The following G6PC1 variants were observed in gnomAD, a reference collection of about 807,000 sequenced individuals.
G6PC1 encodes G-6-Pase.
G6PC1 carries 23 observed loss-of-function variants against 30.4 expected under a neutral mutation model. The observed-to-expected ratio is 0.76, with a 90% CI of 0.55 to 1.07. The LOEUF (loss-of-function observed/expected upper bound fraction) is 1.07, where lower values mean the gene tolerates loss of function less well. G6PC1 is among the 50% of genes least tolerant of loss of function. The pLI is 0.00. For missense variants in G6PC1, 391 were observed against 433.9 expected (o/e 0.90, Z 0.88); for synonymous variants, 163 against 175.6 (o/e 0.93, Z 0.57).
intron 1 of G6PC1, 126 bp from the exon 2 acceptor site, chr17:42,903,805 C>A (rs2056041794): frequency 2.7e-6 from 2 of 729,946 alleles, no homozygotes; most frequent in Non-Finnish European, 5.0e-6. Flanking sequence ...TCTCCCCAGC[C>A]ACCCAGTTCT....
rs1482292287 is a variant in G6PC1 at position 42,909,328 on chromosome 17, G to C, written c.472G>C (p.Gly158Arg). 6.2e-7 allele frequency: 1 copy of C among 1,613,908 alleles called. No individual in the cohort carries two copies. The highest frequency in any genetic ancestry group is 8.5e-7 in the Non-Finnish European group (1 of 1,179,962). The change falls in exon 4 of 5, where the codon GGA becomes CGA. Residue 158 changes from glycine (G) to arginine (R), a missense_variant. Physicochemically the swap from Gly to Arg is moderately radical, Grantham distance 125 (BLOSUM62 -2). Transcript: ENST00000253801. The stretch of plus-strand genomic sequence containing the variant: ...GTGCTTGAATGTCATTTTGTGGTTG[G>C]GATTCTGGGCTGTGCAGCTGAATGT... Reference protein sequence around the residue: ...FRCLNVILWLGFWAVQLNVCL... With the variant: ...FRCLNVILWLRFWAVQLNVCL...
chr17:42,900,968 T>A lies in G6PC1; in HGVS notation c.92T>A (p.Ile31Asn), dbSNP rs538960604. Residue 31 changes from isoleucine (I) to asparagine (N), a missense_variant, in exon 1 of 5, where the codon ATC (isoleucine) becomes AAC (asparagine). Coordinates refer to ENST00000253801, the MANE Select transcript of G6PC1 (RefSeq NM_000151.4). ...TACCAAGACTCCCAGGACTGGTTCATCTTGGTGTCCGTGATCGCAGACCTC... is the reference window on the plus strand; with the variant it reads ...TACCAAGACTCCCAGGACTGGTTCAACTTGGTGTCCGTGATCGCAGACCTC... ...VNYQDSQDWF[I>N]LVSVIADLRN... 6.2e-7 allele frequency: 1 copy of A among 1,614,202 alleles called. No individual in the cohort carries two copies. The highest frequency in any genetic ancestry group is 1.7e-5 in the Admixed American group (1 of 60,020).
At position 42,900,951 on chromosome 17, in the gene G6PC1, C is replaced by G. The variant is rs369488416; in HGVS notation, c.75C>G (p.Asp25Glu). 3 of 1,614,126 alleles carry G rather than the reference C, an allele frequency of 1.9e-6. No individual in the cohort carries two copies. Among genetic ancestry groups the G allele is most frequent in the Non-Finnish European group, 1.7e-6 (2 of 1,179,998 alleles). ...ATTACCTCCAGGTGAATTACCAAGA[C>G]TCCCAGGACTGGTTCATCTTGGTGT... ...STHYLQVNYQ[D>E]SQDWFILVSV... The change falls in exon 1 of 5, where the codon GAC becomes GAG. Residue 25 changes from aspartate (D) to glutamate (E), a missense_variant. Transcript: ENST00000253801.
intron 1 of G6PC1, among the ~76,000 whole-genome samples, chr17:42,903,037 T>TA (rs955176476): frequency 2.8e-4 from 40 of 142,528 alleles, no homozygotes; most frequent in South Asian, 1.1e-3. Flanking sequence ...TTCTTGAGGT[T>TA]AAAAAAAAAA....
chr17:42,907,653 G>A, intron 3 of G6PC1, 25 bp downstream of exon 3: 1 of 1,488,394 alleles, frequency 6.7e-7, no homozygotes, highest in South Asian at 1.1e-5. Context: ...CTGGGGTGTA[G>A]GTGGTGGAGG....
At chr17:42,903,319 T>G (rs997166134) in intron 1 of G6PC1, among the ~76,000 whole-genome samples, 6 of 151,570 alleles carry the variant, frequency 4.0e-5, no homozygotes, top group Admixed American at 6.6e-5. Flanking sequence ...CCTGACCTCA[T>G]GTGATCTGCC....
At chr17:42,902,071 C>T (rs1195128147) in intron 1 of G6PC1, among the ~76,000 whole-genome samples, 1 of 152,128 alleles carries the variant, frequency 6.6e-6, no homozygotes, top group Admixed American at 6.6e-5. Flanking sequence ...TAGTACATGC[C>T]GAGCCAGGAT....
At chr17:42,903,840 T>A (rs1364795034) in intron 1 of G6PC1, 91 bp from the exon 2 acceptor site, 1 of 873,692 alleles carries the variant, frequency 1.1e-6, no homozygotes, top group African/African-American at 1.6e-5. Context: ...ACATGTGAAA[T>A]CCTTCTCAGG....
Position 42,911,099 on chromosome 17 carries a change from A to G in G6PC1, c.747A>G (p.Glu249=). The G allele has an allele frequency of 6.2e-7, 1 of 1,614,134 alleles. No homozygotes were observed. Among genetic ancestry groups the G allele is most frequent in the Non-Finnish European group, 8.5e-7 (1 of 1,180,018 alleles). The change falls in exon 5 of 5, where the codon GAA becomes GAG. Residue 249 remains glutamate (E), a synonymous_variant. Coordinates refer to ENST00000253801, the MANE Select transcript of G6PC1 (RefSeq NM_000151.4). Reference sequence around the variant, plus strand: ...CCCAGAGGTGGTGCGAGCAGCCAGAATGGGTCCACATTGACACCACACCCT... The same window carrying G: ...CCCAGAGGTGGTGCGAGCAGCCAGAGTGGGTCCACATTGACACCACACCCT... ...EKAQRWCEQP[E]WVHIDTTPFA... is the part of the protein sequence containing the mutation.
Position 42,911,045 on chromosome 17 carries a change from T to C in G6PC1, c.693T>C (p.Gly231=). 1 of 1,614,166 alleles carries C rather than the reference T, an allele frequency of 6.2e-7. No homozygotes were observed. Residue 231 remains glycine, a synonymous_variant, in exon 5 of 5, where the codon GGT becomes GGC. Transcript: ENST00000253801. Reference sequence around the variant, plus strand: ...TTTATCTGCTGCTCAAGGGACTGGGTGTAGACCTCCTGTGGACTCTGGAGA... The same window carrying C: ...TTTATCTGCTGCTCAAGGGACTGGGCGTAGACCTCCTGTGGACTCTGGAGA... ...IGFYLLLKGL[G]VDLLWTLEKA... is the part of the protein sequence containing the mutation.
In G6PC1 at chr17:42,901,013, T is replaced by C. The variant is rs1394723737; in HGVS notation, c.137T>C (p.Leu46Pro). 6.2e-6 allele frequency: 10 copies of C among 1,614,116 alleles called. No homozygotes were observed. Among genetic ancestry groups the C allele is most frequent in the Non-Finnish European group, 7.6e-6 (9 of 1,180,052 alleles). Residue 46 changes from leucine (L) to proline (P), a missense_variant, in exon 1 of 5, where the codon CTC (leucine) becomes CCC (proline). Coordinates refer to ENST00000253801, the MANE Select transcript of G6PC1 (RefSeq NM_000151.4). ...GACCTCAGGAATGCCTTCTACGTCC[T>C]CTTCCCCATCTGGTTCCATCTTCAG... The part of the protein sequence containing the change: ...IADLRNAFYV[L>P]FPIWFHLQEA...
chr17:42,911,664 T>C lies in G6PC1; in HGVS notation c.*238T>C. On this transcript the variant is annotated 3_prime_UTR_variant, in exon 5 of 5. Coordinates refer to ENST00000253801, the MANE Select transcript of G6PC1 (RefSeq NM_000151.4). ...GAGGTGCCATATCACGTACACCATA[T>C]GCAAGTTTCCCGCCAGGAGGTCCTC... 3.5e-6 allele frequency: 2 copies of C among 579,702 alleles called. No individual in the cohort carries two copies. Among genetic ancestry groups the C allele is most frequent in the Non-Finnish European group, 6.1e-6 (2 of 327,832 alleles). The allele number at this position is 579,702 out of a possible 1,614,324, so 35.9% of individuals were successfully genotyped here.
chr17:42,906,325 C>A (rs1048402621), intron 2 of G6PC1, among the ~76,000 whole-genome samples: 1 of 152,090 alleles, frequency 6.6e-6, no homozygotes, highest in African/African-American at 2.4e-5. Flanking sequence ...TCATCCAACC[C>A]CACAGCGAGC....
intron 2 of G6PC1, among the ~76,000 whole-genome samples, chr17:42,905,506 CA>C (rs555446125): frequency 0.23 from 14,992 of 66,416 alleles, 909 homozygotes; most frequent in Middle Eastern, 0.33. Context: ...TGTTTATAGG[CA>C]AAAAAAAAAA....
rs773356062 is a variant in G6PC1, at chr17:42,911,011, C to T, written c.659C>T (p.Ala220Val). 1.2e-6 allele frequency: 2 copies of T among 1,614,194 alleles called. No individual in the cohort carries two copies. The highest frequency in any genetic ancestry group is 1.1e-5 in the South Asian group (1 of 91,084). The stretch of plus-strand genomic sequence containing the variant: ...ATTACCTTCTTCCTGTTCAGCTTCG[C>T]CATCGGATTTTATCTGCTGCTCAAG... ...FLITFFLFSFAIGFYLLLKGL... is the reference protein window; with the variant it reads ...FLITFFLFSFVIGFYLLLKGL... The change falls in exon 5 of 5, where the codon GCC (alanine) becomes GTC (valine). Residue 220 changes from alanine (A) to valine (V), a missense_variant. Coordinates refer to ENST00000253801, the MANE Select transcript of G6PC1 (RefSeq NM_000151.4).
chr17:42,901,881 G>A, intron 1 of G6PC1, among the ~76,000 whole-genome samples: 1 of 152,138 alleles, frequency 6.6e-6, no homozygotes, highest in Admixed American at 6.5e-5. Context: ...CTGAGTTTCT[G>A]TTTTATAATC....
chr17:42,907,563 C>T lies in G6PC1; in HGVS notation c.381C>T (p.Tyr127=), dbSNP rs1555559741. 6.2e-7 allele frequency: 1 copy of T among 1,614,038 alleles called. No individual in the cohort carries two copies. Among genetic ancestry groups the T allele is most frequent in the Non-Finnish European group, 8.5e-7 (1 of 1,179,976 alleles). ...SGHAMGTAGV[Y]YVMVTSTLSI... The stretch of plus-strand genomic sequence containing the variant: ...ATGCCATGGGCACAGCAGGTGTATA[C>T]TACGTGATGGTCACATCTACTCTTT... The change falls in exon 3 of 5, where the codon TAC becomes TAT. Residue 127 remains tyrosine, a synonymous_variant. Transcript: ENST00000253801.
chr17:42,900,894 T>C lies in G6PC1; in HGVS notation c.18T>C (p.Asn6=), dbSNP rs144652516. 4.1e-5 allele frequency: 66 copies of C among 1,613,920 alleles called. No homozygotes were observed. The highest frequency in any genetic ancestry group is 4.7e-5 in the Non-Finnish European group (55 of 1,179,920). MEEGM[N]VLHDFGIQST... ...AAATGAGGATGGAGGAAGGAATGAATGTTCTCCATGACTTTGGGATCCAGT... is the reference window on the plus strand; with the variant it reads ...AAATGAGGATGGAGGAAGGAATGAACGTTCTCCATGACTTTGGGATCCAGT... Residue 6 remains asparagine (N), a synonymous_variant, in exon 1 of 5, where the codon AAT becomes AAC. Coordinates refer to ENST00000253801, the MANE Select transcript of G6PC1 (RefSeq NM_000151.4).
intron 3 of G6PC1, among the ~76,000 whole-genome samples, chr17:42,907,947 T>A (rs2056072151): frequency 6.6e-6 from 1 of 152,114 alleles, no homozygotes; most frequent in Non-Finnish European, 1.5e-5. Context: ...AACCACAGAG[T>A]CACCCATCCA....
Sources: gnomAD v4.1 joint callset for allele counts (sites outside exome capture counted in the v4.1 genomes callset) on GRCh38, gnomAD v4.1.1 for gene constraint, MANE v1.5 for transcripts, NCBI Gene and HGNC (gene_info 2026-07-23, HGNC 2026-07-21) for gene names.